Variants in MINDY1 observed in about 807,000 individuals in gnomAD.
MINDY1 encodes the protein ubiquitin carboxyl-terminal hydrolase MINDY-1.
A neutral mutation model predicts 53.6 loss-of-function variants in MINDY1; 50 were observed. The ratio of observed to expected loss-of-function variants is 0.93; its 90% CI spans 0.74 to 1.18. The LOEUF (loss-of-function observed/expected upper bound fraction) is 1.18. MINDY1 is among the 50% of genes most tolerant of loss of function. The pLI, the probability that MINDY1 is intolerant of heterozygous loss-of-function variation, is 0.00. For synonymous variants in MINDY1, 231 were observed against 234.7 expected (o/e 0.98, Z 0.14); for missense variants, 484 against 578.6 (o/e 0.84, Z 1.68).
upstream of MINDY1, chr1:151,008,193 C>T (rs1673434216): frequency 9.3e-7 from 1 of 1,073,094 alleles, no homozygotes; most frequent in African/African-American, 1.7e-5. Context: ...TATACTTGGC[C>T]TGATCTGAGA....
intron 3 of MINDY1, 50 bp from the exon 4 acceptor site, chr1:151,001,364 C>CT (rs1374315190): frequency 2.5e-6 from 4 of 1,594,164 alleles, no homozygotes; most frequent in Non-Finnish European, 3.4e-6. Context: ...ATCCCAAAAG[C>CT]TAAGTTTCCT....
Position 151,001,247 on chromosome 1 carries a change from C to T in MINDY1, c.576+3G>A, listed in dbSNP as rs761286843. 5 of 1,614,202 alleles carry T rather than the reference C, an allele frequency of 3.1e-6. No individual in the cohort carries two copies. Among genetic ancestry groups the T allele is most frequent in the Admixed American group, 3.3e-5 (2 of 60,020 alleles). ...CCCTATGCCTGCAGACCTTTTGCCT[C>T]ACCTGCTGAAAATTAAGCTGAAGTC... On this transcript the variant is annotated splice_donor_region_variant and intron_variant, in intron 4 of 9. Coordinates refer to ENST00000683666, the MANE Select transcript of MINDY1 (RefSeq NM_001376665.1).
intron 8 of MINDY1, 84 bp downstream of exon 8, chr1:150,997,998 G>T: frequency 7.1e-7 from 1 of 1,398,826 alleles, no homozygotes; most frequent in Non-Finnish European, 9.7e-7. Flanking sequence ...GGGTTCACAT[G>T]GCCTCTAGCA....
intron 1 of MINDY1, among the ~76,000 whole-genome samples, chr1:151,005,533 G>A (rs1571743678): frequency 6.6e-6 from 1 of 151,902 alleles, no homozygotes; most frequent in African/African-American, 2.4e-5. Flanking sequence ...TGCCAGAAAT[G>A]ATCAATGATG....
chr1:151,005,668 G>A (rs1251914342), intron 1 of MINDY1, among the ~76,000 whole-genome samples: 1 of 152,074 alleles, frequency 6.6e-6, no homozygotes, highest in Non-Finnish European at 1.5e-5. Flanking sequence ...TAAGAGGCAG[G>A]GGCAGGAAAT....
chr1:150,999,573 A>AC lies in MINDY1; in HGVS notation c.839-63dup. On this transcript the variant is annotated intron_variant, in intron 6 of 9. Coordinates refer to ENST00000683666, the MANE Select transcript of MINDY1 (RefSeq NM_001376665.1). The surrounding 1 kb of genome is among the most constrained non-coding windows in gnomAD (Gnocchi z 4.4). ...AAATTCAAGGTCCACAACAGGAAGG[A>AC]CCATCCAGAGAGCCCCTGTCAAAAG... 1 of 1,597,972 alleles carries AC rather than the reference A, an allele frequency of 6.3e-7. No individual in the cohort carries two copies. The highest frequency in any genetic ancestry group is 1.3e-5 in the African/African-American group (1 of 74,662).
chr1:151,002,862 T>C lies in MINDY1; in HGVS notation c.-89-156A>G. ...AACAGAAGGGCCCCGTGCTGAGCTC[T>C]TTCCACCTCTAACTTGCTGTGACCA... On this transcript the variant is annotated intron_variant, in intron 1 of 9. Transcript: ENST00000683666. This position sits in a 1 kb window ranked among gnomAD's most constrained non-coding sequence, Gnocchi z 4.1. 1.4e-6 allele frequency: 2 copies of C among 1,423,480 alleles called. No homozygotes were observed. The highest frequency in any genetic ancestry group is 1.8e-6 in the Non-Finnish European group (2 of 1,092,604). 88.2% of individuals were successfully genotyped at this position (1,423,480 alleles called of 1,614,324 possible).
In MINDY1 at chr1:150,997,736, C is replaced by T; in HGVS notation, c.1217G>A (p.Gly406Asp). ...CTCCAAGTCGGTAAGCCCCAGCGGG[C>T]CTCGTGGCTGTTGCTGCTGCAGGGA... The part of the protein sequence containing the change: ...ALSLQQQQPR[G>D]PLGLTDLELA... The change falls in exon 9 of 10, where the codon GGC (glycine) becomes GAC (aspartate). Residue 406 changes from glycine (G) to aspartate (D), a missense_variant. Gly to Asp is a moderately conservative substitution (Grantham distance 94, BLOSUM62 -1). Transcript: ENST00000683666. The T allele has an allele frequency of 2.5e-6, 4 of 1,613,930 alleles. No individual in the cohort carries two copies. The highest frequency in any genetic ancestry group is 3.4e-6 in the Non-Finnish European group (4 of 1,180,000).
intron 9 of MINDY1, 115 bp from the exon 10 acceptor site, chr1:150,997,482 G>A: frequency 6.5e-7 from 1 of 1,542,524 alleles, no homozygotes; most frequent in Non-Finnish European, 8.8e-7. Context: ...GACAGGAAGG[G>A]GCTCCAGGGG....
intron 1 of MINDY1, chr1:151,003,044 G>A (rs1242461578): frequency 2.2e-6 from 2 of 928,350 alleles, no homozygotes; most frequent in Admixed American, 9.6e-5. Flanking sequence ...AAGGATAAGA[G>A]GTGGAGAAAG....
intron 3 of MINDY1, among the ~76,000 whole-genome samples, 199 bp downstream of exon 3, chr1:151,001,526 G>A (rs1488760133): frequency 1.3e-5 from 2 of 152,182 alleles, no homozygotes; most frequent in African/African-American, 4.8e-5. Context: ...AAAGCTAAGG[G>A]CAGAATTGGT....
At chr1:151,003,885 A>G (rs894901642) in intron 1 of MINDY1, among the ~76,000 whole-genome samples, 1 of 151,988 alleles carries the variant, frequency 6.6e-6, no homozygotes, top group African/African-American at 2.4e-5. Context: ...CACCTACCTA[A>G]AGTTTTATGT....
intron 4 of MINDY1, 74 bp from the exon 5 acceptor site, chr1:151,000,689 A>C (rs1672458627): frequency 1.5e-5 from 22 of 1,493,338 alleles, no homozygotes; most frequent in Non-Finnish European, 2.0e-5. Flanking sequence ...GCAGAAATTA[A>C]AAATTAACCT....
rs757638734 is a variant in MINDY1 at position 151,001,287 on chromosome 1, T to C, written c.539A>G (p.Gln180Arg). Reference protein sequence around the residue: ...LGNCLLSIKPQEKSEGLQLNF... With the variant: ...LGNCLLSIKPREKSEGLQLNF... The stretch of plus-strand genomic sequence containing the variant: ...AAGCTGAAGTCCCTCTGACTTCTCC[T>C]GGGGCTTGATGGACAGGAGGCAGTT... The change falls in exon 4 of 10, where the codon CAG becomes CGG. Residue 180 changes from glutamine (Q) to arginine (R), a missense_variant. By Grantham distance (43) the Gln-to-Arg change is conservative (BLOSUM62 1). Transcript: ENST00000683666. 2 of 1,614,216 alleles carry C rather than the reference T, an allele frequency of 1.2e-6. No homozygotes were observed. Among genetic ancestry groups the C allele is most frequent in the Non-Finnish European group, 1.7e-6 (2 of 1,180,036 alleles).
At chr1:150,997,927 G>A (rs1273887337) in intron 8 of MINDY1, 148 bp from the exon 9 acceptor site, 1 of 1,144,164 alleles carries the variant, frequency 8.7e-7, no homozygotes, top group Admixed American at 2.6e-5. Context: ...CATTATCTGT[G>A]GTGCCAGAGA....
Position 151,002,743 on chromosome 1 carries a change from A to G in MINDY1, c.-89-37T>C. The G allele has an allele frequency of 6.6e-7, 1 of 1,521,598 alleles. No individual in the cohort carries two copies. Among genetic ancestry groups the G allele is most frequent in the Non-Finnish European group, 8.8e-7 (1 of 1,133,018 alleles). 94.3% of individuals were successfully genotyped at this position (1,521,598 alleles called of 1,614,324 possible). ...GAAGGAAATCAGTGGGCTGGAAAGCAAACTAACCCAGAAAAGTCTTGGAAA... is the reference window on the plus strand; with the variant it reads ...GAAGGAAATCAGTGGGCTGGAAAGCGAACTAACCCAGAAAAGTCTTGGAAA... On this transcript the variant is annotated intron_variant, in intron 1 of 9. Transcript: ENST00000683666. This position sits in a 1 kb window ranked among gnomAD's most constrained non-coding sequence, Gnocchi z 4.1.
At chr1:151,008,287 C>G (rs1673440527), upstream of MINDY1, 6 of 1,248,724 alleles carry the variant, frequency 4.8e-6, no homozygotes, top group Non-Finnish European at 6.1e-6. Context: ...AGAAAACAAT[C>G]CTTCCCTCGG....
At chr1:151,007,850 G>T (rs1558067242), upstream of MINDY1, among the ~76,000 whole-genome samples, 1 of 152,140 alleles carries the variant, frequency 6.6e-6, no homozygotes, top group Admixed American at 6.5e-5. Context: ...AACTCTAAAG[G>T]CTGAAAGAGC....
chr1:150,997,600 G>A (rs768040007), intron 9 of MINDY1, 24 bp downstream of exon 9: 5 of 1,604,386 alleles, frequency 3.1e-6, no homozygotes, highest in Middle Eastern at 1.6e-4. Context: ...AACCGGGAGT[G>A]TGGGCGCCCA....
Sources: gnomAD v4.1 joint callset for allele counts (sites outside exome capture counted in the v4.1 genomes callset) on GRCh38, gnomAD v4.1.1 for gene constraint, Gnocchi (gnomAD v3.1) non-coding constraint, MANE v1.5 for transcripts, NCBI Gene and HGNC (gene_info 2026-07-23, HGNC 2026-07-21) for gene names.